SLC35A3: variants seen among roughly 807,000 people sequenced by gnomAD.
SLC35A3 encodes the protein UDP-N-acetylglucosamine transporter.
Under a neutral mutation model 39.0 loss-of-function variants are expected in SLC35A3, and 26 were observed. The ratio of observed to expected loss-of-function variants is 0.67; its 90% CI spans 0.49 to 0.92. SLC35A3 has a LOEUF of 0.92. Among genes scored for constraint, SLC35A3 ranks in the 40% least tolerant of loss-of-function variants. The pLI, the probability that SLC35A3 is intolerant of heterozygous loss-of-function variation, is 0.00. For synonymous variants in SLC35A3, 135 were observed against 133.1 expected, an observed-to-expected ratio of 1.01 and a Z score of -0.10; for missense variants, 299 against 371.6, an observed-to-expected ratio of 0.80 and a Z score of 1.61.
At chr1:99,993,799 T>C in intron 2 of SLC35A3, 58 bp downstream of exon 2, 1 of 1,411,812 alleles carries the variant, frequency 7.1e-7, no homozygotes, top group Non-Finnish European at 9.9e-7. Context: ...TGCATATATA[T>C]ATTGGTAACT....
At position 100,029,422 on chromosome 1, in the gene SLC35A3, T is replaced by C. The variant is rs1661099510; in HGVS notation, c.*6946T>C. 2.0e-5 allele frequency: 3 copies of C among 148,738 alleles called. No homozygotes were observed. The South Asian group carries it at 6.3e-4, about 31-fold the overall frequency. 9.2% of individuals were successfully genotyped at this position (148,738 alleles called of 1,614,324 possible). On this transcript the variant is annotated 3_prime_UTR_variant, in exon 8 of 8. Coordinates refer to ENST00000533028, the MANE Select transcript of SLC35A3 (RefSeq NM_012243.3). ...ACGACAATTCTTCTTTTCAGAGACT[T>C]TTAATTTTTTTTTTTTTTTTTTTTT... is the stretch of plus-strand genomic sequence containing the variant.
In SLC35A3 at chr1:100,026,056, T is replaced by C. The variant is rs1660898674; in HGVS notation, c.*3580T>C. On this transcript the variant is annotated 3_prime_UTR_variant, in exon 8 of 8. Transcript: ENST00000533028. The stretch of plus-strand genomic sequence containing the variant: ...ACATCAATTTATATTGAATGTCACA[T>C]AATTTCATGGAAGGAAAGGTAGCTT... 1 of 152,186 alleles carries C rather than the reference T, an allele frequency of 6.6e-6. No individual in the cohort carries two copies. Among genetic ancestry groups the C allele is most frequent in the African/African-American group, 2.4e-5 (1 of 41,456 alleles). 9.4% of individuals were successfully genotyped at this position (152,186 alleles called of 1,614,324 possible).
At chr1:99,983,692 C>T (rs984666096) in intron 1 of SLC35A3, among the ~76,000 whole-genome samples, 3 of 151,474 alleles carry the variant, frequency 2.0e-5, no homozygotes, top group African/African-American at 4.8e-5. Context: ...GTGGCACGAT[C>T]TCGGCTCACT....
chr1:99,980,585 A>G (rs1657398952), intron 1 of SLC35A3, among the ~76,000 whole-genome samples: 1 of 152,236 alleles, frequency 6.6e-6, no homozygotes, highest in Non-Finnish European at 1.5e-5. Flanking sequence ...TTTGCAGCCT[A>G]TGAAAGAACA....
chr1:99,992,804 ACT>A (rs1658165679), intron 1 of SLC35A3, among the ~76,000 whole-genome samples: 3 of 152,068 alleles, frequency 2.0e-5, no homozygotes, highest in Non-Finnish European at 2.9e-5. Flanking sequence ...ATATTATGAG[ACT>A]CTGTTTCCTA....
intron 2 of SLC35A3, among the ~76,000 whole-genome samples, chr1:99,994,413 T>C (rs1658265779): frequency 6.6e-6 from 1 of 151,970 alleles, no homozygotes; most frequent in Non-Finnish European, 1.5e-5. Flanking sequence ...TTGTATCACT[T>C]TAAACAACAA....
At chr1:100,021,183 T>C (rs1660511223) in intron 7 of SLC35A3, among the ~76,000 whole-genome samples, 1 of 151,706 alleles carries the variant, frequency 6.6e-6, no homozygotes, top group African/African-American at 2.4e-5. Flanking sequence ...GCCAACATGG[T>C]GAAACCCCAT....
At chr1:99,982,141 A>T (rs1402755177) in intron 1 of SLC35A3, among the ~76,000 whole-genome samples, 1 of 150,632 alleles carries the variant, frequency 6.6e-6, no homozygotes, top group African/African-American at 2.4e-5. Context: ...AGTAGCTGGG[A>T]TTACAGGTGC....
intron 1 of SLC35A3, among the ~76,000 whole-genome samples, chr1:99,971,584 G>A (rs760917061): frequency 1.3e-4 from 20 of 152,176 alleles, no homozygotes; most frequent in Non-Finnish European, 2.8e-4. Context: ...TGGGATTACA[G>A]GCGTGAGCCA....
chr1:99,993,445 G>A (rs1658203393), intron 1 of SLC35A3, 92 bp from the exon 2 acceptor site: 4 of 1,002,446 alleles, frequency 4.0e-6, no homozygotes, highest in South Asian at 1.7e-5. Flanking sequence ...AGACCTGCAG[G>A]CCCTCTCCCT....
At position 100,022,548 on chromosome 1, in the gene SLC35A3, C is replaced by T; in HGVS notation, c.*72C>T. On this transcript the variant is annotated 3_prime_UTR_variant, in exon 8 of 8. Coordinates refer to ENST00000533028, the MANE Select transcript of SLC35A3 (RefSeq NM_012243.3). ...CTCGACATTAATCTTGCACAGAGGA[C>T]TTCTACAGAGTCTGAGAAGATATCA... 1 of 756,612 alleles carries T rather than the reference C, an allele frequency of 1.3e-6. No individual in the cohort carries two copies. Among genetic ancestry groups the T allele is most frequent in the Admixed American group, 2.5e-5 (1 of 39,986 alleles). The allele number at this position is 756,612 out of a possible 1,614,324, so 46.9% of individuals were successfully genotyped here. A position where few individuals can be genotyped will look rare whatever the true frequency, so the allele number is the denominator to read the frequency against.
intron 1 of SLC35A3, among the ~76,000 whole-genome samples, chr1:99,984,954 T>G (rs1159181843): frequency 6.6e-6 from 1 of 152,218 alleles, no homozygotes; most frequent in Non-Finnish European, 1.5e-5. Context: ...CTTGCTGATT[T>G]GCTTGAGTTC....
rs1442639306 is a variant in SLC35A3 at position 100,028,951 on chromosome 1, T to G, written c.*6475T>G. 2 of 152,298 alleles carry G rather than the reference T, an allele frequency of 1.3e-5. No homozygotes were observed. Among genetic ancestry groups the G allele is most frequent in the Non-Finnish European group, 2.9e-5 (2 of 68,096 alleles). The allele number at this position is 152,298 out of a possible 1,614,324, so 9.4% of individuals were successfully genotyped here. ...ACAGAGTCTAGGAGTGGTCCAAACT[T>G]GAGGCTTTCGGTGTCCTTTTCTTGT... On this transcript the variant is annotated 3_prime_UTR_variant, in exon 8 of 8. Coordinates refer to ENST00000533028, the MANE Select transcript of SLC35A3 (RefSeq NM_012243.3).
At chr1:99,983,107 C>T (rs957454657) in intron 1 of SLC35A3, among the ~76,000 whole-genome samples, 1 of 151,852 alleles carries the variant, frequency 6.6e-6, no homozygotes, top group Non-Finnish European at 1.5e-5. Flanking sequence ...ATATACTCAA[C>T]GTTTACAATT....
At chr1:99,995,149 TTTCTTTCTTTC>T (rs1332706650) in intron 2 of SLC35A3, among the ~76,000 whole-genome samples, 2 of 146,966 alleles carry the variant, frequency 1.4e-5, no homozygotes, top group Admixed American at 6.8e-5. Flanking sequence ...TCTTTCTTTC[TTTCTTTCTTTC>T]TTTTTTTTTC....
intron 1 of SLC35A3, among the ~76,000 whole-genome samples, chr1:99,973,444 T>C (rs1656929581): frequency 6.6e-6 from 1 of 152,222 alleles, no homozygotes; most frequent in South Asian, 2.1e-4. Context: ...GTGTAGTGGT[T>C]ATATATTTTT....
chr1:100,002,243 C>T (rs1658862565), intron 3 of SLC35A3, among the ~76,000 whole-genome samples: 1 of 152,138 alleles, frequency 6.6e-6, no homozygotes, highest in Admixed American at 6.5e-5. Context: ...CCATCCAGTC[C>T]TGGACTTTTC....
chr1:100,024,470 G>C lies in SLC35A3; in HGVS notation c.*1994G>C, dbSNP rs1183177685. 1 of 149,382 alleles carries C rather than the reference G, an allele frequency of 6.7e-6. No individual in the cohort carries two copies. Among genetic ancestry groups the C allele is most frequent in the Non-Finnish European group, 1.5e-5 (1 of 67,808 alleles). 9.3% of individuals were successfully genotyped at this position (149,382 alleles called of 1,614,324 possible). A position where few individuals can be genotyped will look rare whatever the true frequency, so the allele number is the denominator to read the frequency against. ...GGAGGCTGAGGCAGGAGAATTTCTTGAACACACCAGGTGGAAGTTGCAGTG... is the reference window on the plus strand; with the variant it reads ...GGAGGCTGAGGCAGGAGAATTTCTTCAACACACCAGGTGGAAGTTGCAGTG... On this transcript the variant is annotated 3_prime_UTR_variant, in exon 8 of 8. Coordinates refer to ENST00000533028, the MANE Select transcript of SLC35A3 (RefSeq NM_012243.3).
chr1:99,986,926 A>G (rs1033633187), intron 1 of SLC35A3, among the ~76,000 whole-genome samples: 2 of 152,250 alleles, frequency 1.3e-5, no homozygotes, highest in African/African-American at 4.8e-5. Context: ...CATTGCTGTT[A>G]TAATAGGGAC....
Sources: gnomAD v4.1 joint callset for allele counts (sites outside exome capture counted in the v4.1 genomes callset) on GRCh38, gnomAD v4.1.1 for gene constraint, MANE v1.5 for transcripts, NCBI Gene and HGNC (gene_info 2026-07-23, HGNC 2026-07-21) for gene names.